CUL4A: variants seen among roughly 807,000 people sequenced by gnomAD.
The protein encoded by CUL4A is cullin 4A, also known as cullin-4A.
In CUL4A, 16 loss-of-function variants were observed where a neutral mutation model predicts 95.5. That is an observed-to-expected ratio of 0.17 (90% CI 0.11 to 0.25). The LOEUF (loss-of-function observed/expected upper bound fraction) is 0.25. Among genes scored for constraint, CUL4A ranks in the 10% least tolerant of loss-of-function variants. The probability of loss-of-function intolerance (pLI) is 1.00; values close to 1 mark genes in which losing one functional copy is unlikely to be tolerated. For missense variants in CUL4A, 610 were observed against 937.0 expected (o/e 0.65, Z 4.56); for synonymous variants, 380 against 353.1 (o/e 1.08, Z -0.85).
At chr13:113,244,869 T>G in intron 12 of CUL4A, 80 bp from the exon 13 acceptor site, 4 of 941,230 alleles carry the variant, frequency 4.2e-6, no homozygotes, top group Non-Finnish European at 6.7e-6. Context: ...TTTAAGGGTT[T>G]TCAGCAGTTG....
chr13:113,215,928 G>C (rs1361257637), intron 2 of CUL4A, among the ~76,000 whole-genome samples: 1 of 150,674 alleles, frequency 6.6e-6, no homozygotes, highest in Non-Finnish European at 1.5e-5. Flanking sequence ...GGCTGTGGCG[G>C]TCTCTGTGTG....
chr13:113,243,746 G>GT (rs981938944), intron 11 of CUL4A, among the ~76,000 whole-genome samples: 1 of 152,084 alleles, frequency 6.6e-6, no homozygotes, highest in African/African-American at 2.4e-5. Context: ...ATTACAAAAT[G>GT]TTTAAAAGAA....
In CUL4A at chr13:113,243,041, A is replaced by T; in HGVS notation, c.1109A>T (p.Asp370Val). ...GTCCAAGACCTGTTGGACTTCAAGG[A>T]CAAGGTGGACCACGTGATCGAGGTC... Reference protein sequence around the residue: ...DMVQDLLDFKDKVDHVIEVCF... With the variant: ...DMVQDLLDFKVKVDHVIEVCF... The change falls in exon 11 of 20, where the codon GAC becomes GTC. Residue 370 changes from aspartate to valine, a missense_variant. By Grantham distance (152) the Asp-to-Val change is radical. Transcript: ENST00000375440. 6.2e-7 allele frequency: 1 copy of T among 1,614,218 alleles called. No homozygotes were observed. Among genetic ancestry groups the T allele is most frequent in the Non-Finnish European group, 8.5e-7 (1 of 1,180,016 alleles).
At chr13:113,228,733 C>T (rs986472806) in intron 4 of CUL4A, among the ~76,000 whole-genome samples, 3 of 152,010 alleles carry the variant, frequency 2.0e-5, no homozygotes, top group South Asian at 4.1e-4. Flanking sequence ...CAGAGACACA[C>T]GTCCAAGAGC....
chr13:113,208,222 G>A (rs2040077892), upstream of CUL4A: 2 of 1,515,782 alleles, frequency 1.3e-6, no homozygotes, highest in South Asian at 1.2e-5. Flanking sequence ...GGGAAACAGC[G>A]TCCATCCGAC....
chr13:113,237,492 A>G (rs939780744), intron 9 of CUL4A, among the ~76,000 whole-genome samples: 4 of 152,194 alleles, frequency 2.6e-5, no homozygotes, highest in Admixed American at 2.0e-4. Context: ...AGCAGCCTGC[A>G]CCTTTAAAAT....
intron 2 of CUL4A, 49 bp downstream of exon 2, chr13:113,210,137 C>A: frequency 2.3e-6 from 3 of 1,296,990 alleles, no homozygotes; most frequent in Non-Finnish European, 3.0e-6. Flanking sequence ...CCGCGTGACG[C>A]AGACGCGGCC....
At position 113,229,441 on chromosome 13, in the gene CUL4A, G is replaced by A; in HGVS notation, c.439-5G>A. On this transcript the variant is annotated splice_region_variant and splice_polypyrimidine_tract_variant and intron_variant, in intron 4 of 19. Transcript: ENST00000375440. ...AAGTAAATGGTTCTCCTTTCTGCTGGTCAGATCATGATCAGAAGCATCTTC... is the reference window on the plus strand; with the variant it reads ...AAGTAAATGGTTCTCCTTTCTGCTGATCAGATCATGATCAGAAGCATCTTC... 6.2e-7 allele frequency: 1 copy of A among 1,612,804 alleles called. No homozygotes were observed. The highest frequency in any genetic ancestry group is 8.5e-7 in the Non-Finnish European group (1 of 1,179,532).
In CUL4A at chr13:113,229,536, C is replaced by G. The variant is rs368221892; in HGVS notation, c.512+17C>G. The G allele has an allele frequency of 6.2e-7, 1 of 1,603,194 alleles. No homozygotes were observed. The highest frequency in any genetic ancestry group is 2.2e-5 in the East Asian group (1 of 44,840). The stretch of plus-strand genomic sequence containing the variant: ...CTCCATCTGGTGAGTGTCCTCACAG[C>G]GCAGAGCTGCGTCTTCCCTGCAGCT... On this transcript the variant is annotated intron_variant, in intron 5 of 19. Transcript: ENST00000375440.
At chr13:113,212,808 G>C (rs954545385) in intron 2 of CUL4A, among the ~76,000 whole-genome samples, 27 of 152,072 alleles carry the variant, frequency 1.8e-4, no homozygotes, top group African/African-American at 6.0e-4. Context: ...GAAAAGTCTA[G>C]AGTCAGTGTT....
intron 2 of CUL4A, among the ~76,000 whole-genome samples, chr13:113,214,486 T>C (rs1428716400): frequency 1.3e-5 from 2 of 152,116 alleles, no homozygotes; most frequent in African/African-American, 4.8e-5. Flanking sequence ...TTTTTTGTTT[T>C]TTGTTGCACA....
Position 113,253,182 on chromosome 13 carries a change from C to A in CUL4A, c.1739C>A (p.Ala580Glu). 6.4e-7 allele frequency: 1 copy of A among 1,574,020 alleles called. No individual in the cohort carries two copies. Among genetic ancestry groups the A allele is most frequent in the Non-Finnish European group, 8.6e-7 (1 of 1,156,136 alleles). ...ACTTTGGGACATGCTGTTTTAAAAG[C>A]GGAGTTTAAAGAAGTAAGTTGTCTG... is the stretch of plus-strand genomic sequence containing the variant. ...QTTLGHAVLK[A>E]EFKEGKKEFQ... Residue 580 changes from alanine to glutamate, a missense_variant, in exon 16 of 20, where the codon GCG becomes GAG. Ala to Glu is a moderately radical substitution (Grantham distance 107). Transcript: ENST00000375440.
Position 113,243,034 on chromosome 13 carries a change from T to C in CUL4A, c.1102T>C (p.Phe368Leu). 5 of 1,614,146 alleles carry C rather than the reference T, an allele frequency of 3.1e-6. No individual in the cohort carries two copies. Among genetic ancestry groups the C allele is most frequent in the Middle Eastern group, 1.6e-4 (1 of 6,062 alleles). ...AGACATGGTCCAAGACCTGTTGGAC[T>C]TCAAGGACAAGGTGGACCACGTGAT... is the stretch of plus-strand genomic sequence containing the variant. Reference protein sequence around the residue: ...DKDMVQDLLDFKDKVDHVIEV... With the variant: ...DKDMVQDLLDLKDKVDHVIEV... Residue 368 changes from phenylalanine (F) to leucine (L), a missense_variant, in exon 11 of 20, where the codon TTC becomes CTC. By Grantham distance (22) the Phe-to-Leu change is conservative. Around this residue, in one of 10 missense-constraint regions of CUL4A, gnomAD observed 153 missense variants for 244.5 expected, o/e 0.63. Coordinates refer to ENST00000375440, the MANE Select transcript of CUL4A (RefSeq NM_001008895.4).
chr13:113,215,688 C>T (rs1026653131), intron 2 of CUL4A, among the ~76,000 whole-genome samples: 4 of 148,864 alleles, frequency 2.7e-5, no homozygotes, highest in East Asian at 2.1e-4. Context: ...CTATGGAGGT[C>T]GCGTCCCATG....
At chr13:113,232,879 T>C (rs1033531939) in intron 5 of CUL4A, among the ~76,000 whole-genome samples, 2 of 152,004 alleles carry the variant, frequency 1.3e-5, no homozygotes, top group African/African-American at 4.8e-5. Flanking sequence ...AGCAGGAAGG[T>C]GGCGAGGACC....
chr13:113,235,270 G>C (rs1035252458), intron 8 of CUL4A, 125 bp downstream of exon 8: 16 of 625,286 alleles, frequency 2.6e-5, no homozygotes, highest in Non-Finnish European at 4.2e-5. Context: ...TTTGCACCTA[G>C]CATATTTTAC....
chr13:113,216,143 G>T (rs988028017), intron 2 of CUL4A, among the ~76,000 whole-genome samples: 4 of 151,794 alleles, frequency 2.6e-5, no homozygotes, highest in African/African-American at 9.7e-5. Flanking sequence ...CATCTGTGTG[G>T]CTGTGGAGGT....
At chr13:113,227,511 T>C (rs925140107) in intron 3 of CUL4A, among the ~76,000 whole-genome samples, 1 of 152,216 alleles carries the variant, frequency 6.6e-6, no homozygotes, top group Non-Finnish European at 1.5e-5. Context: ...CTATGAATTT[T>C]GGGGGGACAT....
upstream of CUL4A, chr13:113,208,592 G>C (rs1363700520): frequency 1.2e-6 from 2 of 1,603,946 alleles, no homozygotes; most frequent in Admixed American, 3.4e-5. Flanking sequence ...CCCCGGCTAG[G>C]ACCCACCTGC....
Sources: allele counts gnomAD v4.1 joint callset (sites outside exome capture counted in the v4.1 genomes callset), GRCh38; gene constraint gnomAD v4.1.1; regional missense constraint gnomAD v4.1.1; transcripts MANE v1.5; gene names NCBI Gene and HGNC (gene_info 2026-07-23, HGNC 2026-07-21).